Variants in DLG2 observed in about 807,000 individuals in gnomAD.
The protein encoded by DLG2 is disks large homolog 2.
DLG2 carries 45 observed loss-of-function variants against 132.5 expected under a neutral mutation model. That is an observed-to-expected ratio of 0.34 (90% CI 0.27 to 0.44). DLG2 has a LOEUF of 0.44. Ranked by LOEUF, DLG2 falls within the 20% of genes least tolerant of loss-of-function variation. DLG2 has a pLI of 1.00. For synonymous variants in DLG2, 424 were observed against 419.6 expected, an observed-to-expected ratio of 1.01 and a Z score of -0.13; for missense variants, 1,045 against 1,196.9, an observed-to-expected ratio of 0.87 and a Z score of 1.87.
intron 3 of DLG2, among the ~76,000 whole-genome samples, chr11:85,321,168 A>C (rs1379466525): frequency 6.6e-6 from 1 of 152,006 alleles, no homozygotes; most frequent in Non-Finnish European, 1.5e-5. Context: ...GATAGGGAGA[A>C]AGAGATTTTT....
At chr11:85,586,997 G>A (rs893032082) in intron 3 of DLG2, among the ~76,000 whole-genome samples, 1 of 152,080 alleles carries the variant, frequency 6.6e-6, no homozygotes, top group African/African-American at 2.4e-5. Context: ...CCAAGTATTT[G>A]TATAGTTTTG....
At chr11:85,499,047 G>C (rs1460597942) in intron 3 of DLG2, among the ~76,000 whole-genome samples, 1 of 151,558 alleles carries the variant, frequency 6.6e-6, no homozygotes, top group Non-Finnish European at 1.5e-5. Context: ...AACTAGAGAA[G>C]CAAGAGCAAA....
intron 15 of DLG2, among the ~76,000 whole-genome samples, chr11:83,880,299 T>G (rs1196111429): frequency 6.6e-6 from 1 of 152,144 alleles, no homozygotes; most frequent in Non-Finnish European, 1.5e-5. Context: ...AAATCTATAG[T>G]CAGGGAGACT....
At chr11:84,192,234 A>T (rs1340814124) in intron 8 of DLG2, among the ~76,000 whole-genome samples, 2 of 152,208 alleles carry the variant, frequency 1.3e-5, no homozygotes, top group Non-Finnish European at 2.9e-5. Context: ...AGTATATGAC[A>T]GTTTCCTTCT....
intron 3 of DLG2, among the ~76,000 whole-genome samples, chr11:85,354,760 C>T (rs969820467): frequency 2.6e-5 from 4 of 152,018 alleles, no homozygotes; most frequent in African/African-American, 7.2e-5. Context: ...CACACACACA[C>T]ACATACACGC....
At chr11:85,497,542 G>A (rs555225738) in intron 3 of DLG2, among the ~76,000 whole-genome samples, 6 of 152,096 alleles carry the variant, frequency 3.9e-5, no homozygotes, top group Non-Finnish European at 8.8e-5. Flanking sequence ...AACCTGGCAA[G>A]TCAGGCCAAC....
chr11:83,512,959 C>CT (rs1213837007), intron 21 of DLG2, among the ~76,000 whole-genome samples: 1 of 152,146 alleles, frequency 6.6e-6, no homozygotes, highest in Non-Finnish European at 1.5e-5. Context: ...GGTTCCAAGT[C>CT]TTTGCTATTG....
In DLG2 at chr11:85,454,353, C is replaced by T. The variant is rs187475497; in HGVS notation, c.40+144304G>A. 1.4e-4 allele frequency among the ~76,000 whole-genome samples: 21 copies of T among 151,884 alleles called. 1 individual carries two copies. The highest frequency in any genetic ancestry group is 4.1e-4 in the African/African-American group (17 of 41,434). On this transcript the variant is annotated intron_variant, in intron 3 of 27. Transcript: ENST00000376104. ...CATGTATGTCTTTTGACATGTATGT[C>T]CTTTGCCCACTTTTTAATAGTATTG...
At chr11:84,220,901 C>A (rs1421499262) in intron 8 of DLG2, among the ~76,000 whole-genome samples, 1 of 143,098 alleles carries the variant, frequency 7.0e-6, no homozygotes, top group Non-Finnish European at 1.5e-5. Flanking sequence ...CCACCTTAGT[C>A]TCCTAAGTAG....
intron 5 of DLG2, among the ~76,000 whole-genome samples, chr11:85,122,492 G>GCCT (rs2074437863): frequency 6.6e-6 from 1 of 152,160 alleles, no homozygotes; most frequent in African/African-American, 2.4e-5. Context: ...AAGGTAGTGG[G>GCCT]ATCTGAGATA....
chr11:84,834,376 C>A (rs1011135767), intron 6 of DLG2, among the ~76,000 whole-genome samples: 1 of 151,542 alleles, frequency 6.6e-6, no homozygotes, highest in Non-Finnish European at 1.5e-5. Context: ...TACTTGTTCA[C>A]AGACAACTTT....
At chr11:84,912,067 A>G (rs1200402111) in intron 6 of DLG2, among the ~76,000 whole-genome samples, 1 of 152,204 alleles carries the variant, frequency 6.6e-6, no homozygotes, top group Non-Finnish European at 1.5e-5. Context: ...GTTCAGCTAC[A>G]TAAGCCAGTT....
intron 3 of DLG2, among the ~76,000 whole-genome samples, chr11:85,570,365 G>A (rs1249362900): frequency 6.6e-6 from 1 of 152,160 alleles, no homozygotes; most frequent in East Asian, 1.9e-4. Context: ...GGATTCTGCT[G>A]TTATTGGTGG....
rs1360391569 is a variant in DLG2 at position 83,980,564 on chromosome 11, A to G, written c.998T>C (p.Ile333Thr). 1 of 1,613,826 alleles carries G rather than the reference A, an allele frequency of 6.2e-7. No individual in the cohort carries two copies. The highest frequency in any genetic ancestry group is 8.5e-7 in the Non-Finnish European group (1 of 1,179,844). ...ATCTTTTTGTGCAGCTCCTCCATCTATAATTTTAGTTACATAAATGCTGTT... is the reference window on the plus strand; with the variant it reads ...ATCTTTTTGTGCAGCTCCTCCATCTGTAATTTTAGTTACATAAATGCTGTT... ...GDNSIYVTKIIDGGAAQKDGR... is the reference protein window; with the variant it reads ...GDNSIYVTKITDGGAAQKDGR... The change falls in exon 12 of 28, where the codon ATA becomes ACA. Residue 333 changes from isoleucine (I) to threonine (T), a missense_variant. Ile to Thr is a moderately conservative substitution (Grantham distance 89, BLOSUM62 -1). This residue lies in a region of DLG2 where 261 missense variants were observed against 256.1 expected (regional missense o/e 1.02). Coordinates refer to ENST00000376104, the MANE Select transcript of DLG2 (RefSeq NM_001142699.3).
At chr11:84,082,007 T>C (rs1407255540) in intron 10 of DLG2, among the ~76,000 whole-genome samples, 1 of 152,168 alleles carries the variant, frequency 6.6e-6, no homozygotes, top group Non-Finnish European at 1.5e-5. Context: ...TTTTTAATGA[T>C]CTCCTTTCTA....
intron 6 of DLG2, among the ~76,000 whole-genome samples, chr11:84,749,789 T>G (rs2065874979): frequency 6.6e-6 from 1 of 152,296 alleles, no homozygotes; most frequent in African/African-American, 2.4e-5. Context: ...AAAGTTAATC[T>G]CAGGCCCTTT....
intron 19 of DLG2, among the ~76,000 whole-genome samples, chr11:83,627,388 G>A (rs946170965): frequency 4.0e-5 from 6 of 151,082 alleles, no homozygotes; most frequent in African/African-American, 1.5e-4. Flanking sequence ...AACAGTCTCT[G>A]GTGTGTGATG....
chr11:84,839,679 A>G (rs1161208037), intron 6 of DLG2, among the ~76,000 whole-genome samples: 1 of 152,136 alleles, frequency 6.6e-6, no homozygotes, highest in Non-Finnish European at 1.5e-5. Context: ...GAGGCCTCAG[A>G]AATAACACCA....
chr11:85,088,085 G>T (rs1304205491), intron 6 of DLG2, among the ~76,000 whole-genome samples: 1 of 152,154 alleles, frequency 6.6e-6, no homozygotes, highest in Non-Finnish European at 1.5e-5. Context: ...CCAGGTAATA[G>T]ATAGTGGTAA....
Sources: gnomAD v4.1 joint callset for allele counts (sites outside exome capture counted in the v4.1 genomes callset) on GRCh38, gnomAD v4.1.1 for gene constraint, gnomAD v4.1.1 regional missense constraint, MANE v1.5 for transcripts, NCBI Gene and HGNC (gene_info 2026-07-23, HGNC 2026-07-21) for gene names.